The following DLG2 variants were observed in gnomAD, a reference collection of about 807,000 sequenced individuals.
The protein encoded by DLG2 is discs large MAGUK scaffold protein 2, also known as disks large homolog 2.
A neutral mutation model predicts 132.5 loss-of-function variants in DLG2; 45 were observed. The observed-to-expected ratio is 0.34, with a 90% CI of 0.27 to 0.44. DLG2 has a LOEUF of 0.44. DLG2 is among the 20% of genes least tolerant of loss of function. The pLI is 1.00. For synonymous variants in DLG2, 424 were observed against 419.6 expected, an observed-to-expected ratio of 1.01 and a Z score of -0.13; for missense variants, 1,045 against 1,196.9, an observed-to-expected ratio of 0.87 and a Z score of 1.87.
intron 6 of DLG2, among the ~76,000 whole-genome samples, chr11:84,654,756 G>C (rs2099686217): frequency 6.6e-6 from 1 of 152,160 alleles, no homozygotes; most frequent in Non-Finnish European, 1.5e-5. Context: ...CCAAGCCTTT[G>C]CTTCATCACA....
chr11:83,749,341 T>C (rs1475654265), intron 18 of DLG2, among the ~76,000 whole-genome samples: 1 of 152,206 alleles, frequency 6.6e-6, no homozygotes, highest in African/African-American at 2.4e-5. Flanking sequence ...AAAGTGATAA[T>C]TTCCTTGTCA....
Position 84,231,067 on chromosome 11 carries a change from A to T in DLG2, c.573+20171T>A, listed in dbSNP as rs371489411. 5.9e-5 allele frequency among the ~76,000 whole-genome samples: 9 copies of T among 152,290 alleles called. No individual in the cohort carries two copies. The South Asian group carries it at 1.7e-3, about 28-fold the overall frequency. On this transcript the variant is annotated intron_variant, in intron 8 of 27. Transcript: ENST00000376104. ...TAGCGTCTCTCAGCTAGGTATAGAC[A>T]CGGGATTGTCTTCAACCAATGGATG... is the stretch of plus-strand genomic sequence containing the variant.
chr11:84,185,880 G>C lies in DLG2; in HGVS notation c.574-22369C>G, dbSNP rs1313534854. On this transcript the variant is annotated intron_variant, in intron 8 of 27. Transcript: ENST00000376104. Reference sequence around the variant, plus strand: ...CTGCTAAAAACAAATTCAGTCTTTTGTTTATTTGGGATTGTCTTTGTTTCC... The same window carrying C: ...CTGCTAAAAACAAATTCAGTCTTTTCTTTATTTGGGATTGTCTTTGTTTCC... 2.6e-5 allele frequency among the ~76,000 whole-genome samples: 4 copies of C among 152,080 alleles called. No homozygotes were observed. In the East Asian group the frequency reaches 7.7e-4, roughly 29 times the overall value.
intron 6 of DLG2, among the ~76,000 whole-genome samples, chr11:84,638,800 T>A (rs78429595): frequency 0.018 from 2,751 of 152,276 alleles, 74 homozygotes; most frequent in African/African-American, 0.062. Flanking sequence ...TGTGTGTGTA[T>A]GTGTGTGTGT....
intron 3 of DLG2, among the ~76,000 whole-genome samples, chr11:85,504,385 T>C (rs1161842690): frequency 6.6e-6 from 1 of 152,202 alleles, no homozygotes; most frequent in Non-Finnish European, 1.5e-5. Context: ...GAATTAATTT[T>C]TGTATAAGGT....
intron 11 of DLG2, among the ~76,000 whole-genome samples, chr11:84,033,258 A>G (rs1459921092): frequency 6.6e-6 from 1 of 152,214 alleles, no homozygotes; most frequent in Non-Finnish European, 1.5e-5. Flanking sequence ...AAGATTCATG[A>G]TTCATGGGAG....
intron 3 of DLG2, among the ~76,000 whole-genome samples, chr11:85,371,570 C>A (rs916795422): frequency 6.6e-6 from 1 of 152,164 alleles, no homozygotes. Flanking sequence ...GGGTATGCTT[C>A]CGTTTGAGGA....
chr11:83,656,909 G>A (rs1308397338), intron 18 of DLG2, among the ~76,000 whole-genome samples: 1 of 152,018 alleles, frequency 6.6e-6, no homozygotes. Context: ...CCACCAAGAG[G>A]TGGAACCTCC....
chr11:84,826,328 C>A (rs1187987162), intron 6 of DLG2, among the ~76,000 whole-genome samples: 1 of 151,752 alleles, frequency 6.6e-6, no homozygotes, highest in Non-Finnish European at 1.5e-5. Context: ...TACCTATTAG[C>A]CTTCCCCCTT....
intron 15 of DLG2, among the ~76,000 whole-genome samples, chr11:83,891,618 T>C (rs2069886062): frequency 6.6e-6 from 1 of 152,160 alleles, no homozygotes; most frequent in African/African-American, 2.4e-5. Context: ...CTGGCATGAA[T>C]TCCAAGCCTT....
chr11:84,936,329 T>G (rs574379811), intron 6 of DLG2, among the ~76,000 whole-genome samples: 29 of 152,312 alleles, frequency 1.9e-4, no homozygotes, highest in South Asian at 1.4e-3. Context: ...TTAGAAATTA[T>G]AGGTTAGCAT....
At chr11:85,174,155 C>T (rs983727396) in intron 4 of DLG2, among the ~76,000 whole-genome samples, 10 of 152,136 alleles carry the variant, frequency 6.6e-5, no homozygotes, top group African/African-American at 2.4e-4. Context: ...CAACCAAAAA[C>T]AACAGAATAT....
At chr11:83,785,754 G>A (rs375544437) in intron 18 of DLG2, among the ~76,000 whole-genome samples, 11 of 152,132 alleles carry the variant, frequency 7.2e-5, no homozygotes, top group Non-Finnish European at 1.3e-4. Flanking sequence ...TAGACCCATC[G>A]ATGCTAACAA....
At chr11:83,568,332 CAGACAAA>C (rs2096742526) in intron 19 of DLG2, among the ~76,000 whole-genome samples, 1 of 152,042 alleles carries the variant, frequency 6.6e-6, no homozygotes, top group African/African-American at 2.4e-5. Flanking sequence ...GTCATCCCTC[CAGACAAA>C]GTGATATAGA....
intron 19 of DLG2, among the ~76,000 whole-genome samples, chr11:83,593,644 TAA>T (rs934633584): frequency 2.7e-4 from 37 of 134,740 alleles, no homozygotes; most frequent in African/African-American, 9.0e-4. Flanking sequence ...TAAAGTATAA[TAA>T]AAAAAAGAAA....
chr11:85,173,572 G>A (rs889898198), intron 4 of DLG2, among the ~76,000 whole-genome samples: 1 of 152,070 alleles, frequency 6.6e-6, no homozygotes, highest in Non-Finnish European at 1.5e-5. Context: ...ACATAAACAA[G>A]TCTGCTAAGT....
At chr11:84,113,256 T>C (rs2093456339) in intron 9 of DLG2, among the ~76,000 whole-genome samples, 2 of 152,190 alleles carry the variant, frequency 1.3e-5, no homozygotes, top group Non-Finnish European at 2.9e-5. Context: ...TTCTATGTGA[T>C]GCAGTGAGAT....
intron 6 of DLG2, among the ~76,000 whole-genome samples, chr11:84,849,071 A>G (rs1304265213): frequency 1.3e-5 from 2 of 152,202 alleles, no homozygotes; most frequent in Non-Finnish European, 2.9e-5. Context: ...CTACCTGGCA[A>G]GGTCACATGG....
intron 6 of DLG2, among the ~76,000 whole-genome samples, chr11:84,818,814 C>A (rs1181141251): frequency 1.3e-5 from 2 of 151,856 alleles, no homozygotes; most frequent in Admixed American, 1.3e-4. Flanking sequence ...TCTTGAGTGG[C>A]AGACTAATGA....
Sources: gnomAD v4.1 joint callset for allele counts (sites outside exome capture counted in the v4.1 genomes callset) on GRCh38, gnomAD v4.1.1 for gene constraint, MANE v1.5 for transcripts, NCBI Gene and HGNC (gene_info 2026-07-23, HGNC 2026-07-21) for gene names.